Variants in DNAAF6 observed in about 807,000 individuals in gnomAD.
The protein encoded by DNAAF6 is PIH1 domain containing 3.
A neutral mutation model predicts 13.7 loss-of-function variants in DNAAF6; 3 were observed. That is an observed-to-expected ratio of 0.22 (90% confidence interval 0.10 to 0.56). DNAAF6 has a LOEUF of 0.56. Ranked by LOEUF, DNAAF6 falls within the 20% of genes least tolerant of loss-of-function variation. The pLI is 0.92. For missense variants in DNAAF6, 130 were observed against 151.0 expected (o/e 0.86, Z 0.73); for synonymous variants, 54 against 49.2 (o/e 1.10, Z -0.41).
chrX:107,213,750 C>T lies in DNAAF6; in HGVS notation c.153+722C>T, dbSNP rs772372294. On this transcript the variant is annotated intron_variant, in intron 2 of 6. Transcript: ENST00000372453. The stretch of plus-strand genomic sequence containing the variant: ...CTCCATTCTCCTATTTCTTAACTAT[C>T]GGTGAGCCTTGGCTATCAGACTGCC... 1.1e-4 allele frequency among the ~76,000 whole-genome samples: 12 copies of T among 111,579 alleles called. No homozygotes were observed. The East Asian group carries it at 2.8e-3, about 26-fold the overall frequency.
chrX:107,208,343 A>G (rs1280029701), intron 1 of DNAAF6, among the ~76,000 whole-genome samples: 1 of 107,712 alleles, frequency 9.3e-6, no homozygotes, highest in Non-Finnish European at 1.9e-5. Context: ...TGAGGTGGGA[A>G]GATTACTTGA....
intron 1 of DNAAF6, among the ~76,000 whole-genome samples, chrX:107,207,876 G>A (rs2147824022): frequency 9.0e-6 from 1 of 111,139 alleles, no homozygotes; most frequent in South Asian, 3.9e-4. Context: ...CCGTGATGGC[G>A]CCACTGCACT....
intron 5 of DNAAF6, among the ~76,000 whole-genome samples, chrX:107,228,263 G>A (rs1438790199): frequency 8.9e-6 from 1 of 112,163 alleles, no homozygotes; most frequent in Non-Finnish European, 1.9e-5. Flanking sequence ...TTGGAAGAGA[G>A]CAGCTTCAGT....
At chrX:107,210,066 A>G (rs1430408309) in intron 1 of DNAAF6, among the ~76,000 whole-genome samples, 4 of 111,140 alleles carry the variant, frequency 3.6e-5, no homozygotes, top group Non-Finnish European at 7.5e-5. Flanking sequence ...CTGGAGTGTC[A>G]GTTGCTTTAG....
chrX:107,239,046 T>C (rs933132281), intron 6 of DNAAF6, 39 bp downstream of exon 6: 1 of 1,147,651 alleles, frequency 8.7e-7, no homozygotes, highest in Admixed American at 3.0e-5. Flanking sequence ...TATTATAATA[T>C]TAAAGAGTCT....
intron 3 of DNAAF6, 106 bp downstream of exon 3, chrX:107,216,849 A>G: frequency 1.9e-6 from 1 of 512,953 alleles, no homozygotes; most frequent in East Asian, 4.1e-5. Flanking sequence ...AAGATGAACT[A>G]AATAACAATG....
In DNAAF6 at chrX:107,212,936, G is replaced by A; in HGVS notation, c.61G>A (p.Val21Ile). ...MKTENMESQN[V>I]DFESVSSVTA... ...GACAGAAAATATGGAATCTCAAAAT[G>A]TAGACTTTGAGAGTGTTTCTTCAGT... The change falls in exon 2 of 7, where the codon GTA (valine) becomes ATA (isoleucine). Residue 21 changes from valine to isoleucine, a missense_variant. Coordinates refer to ENST00000372453, the MANE Select transcript of DNAAF6 (RefSeq NM_173494.2). 2 of 1,205,977 alleles carry A rather than the reference G, an allele frequency of 1.7e-6. No homozygotes were observed. Among genetic ancestry groups the A allele is most frequent in the African/African-American group, 1.7e-5 (1 of 57,657 alleles).
In DNAAF6 at chrX:107,239,981, C is replaced by G. The variant is rs192145798; in HGVS notation, c.515+974C>G. The stretch of plus-strand genomic sequence containing the variant: ...AATGAACAATCTTCCAAGATATTTG[C>G]AAGCTTGTTAAAAGCACACACATGT... On this transcript the variant is annotated intron_variant, in intron 6 of 6. Coordinates refer to ENST00000372453, the MANE Select transcript of DNAAF6 (RefSeq NM_173494.2). Among the ~76,000 whole-genome samples the G allele has an allele frequency of 1.2e-4, 13 of 111,748 alleles. No homozygotes were observed. The East Asian group carries it at 3.4e-3, about 29-fold the overall frequency.
intron 2 of DNAAF6, among the ~76,000 whole-genome samples, chrX:107,213,241 A>G (rs1186741304): frequency 8.9e-6 from 1 of 112,259 alleles, no homozygotes; most frequent in Non-Finnish European, 1.9e-5. Context: ...AACACTGAAT[A>G]GGAAAATAGT....
At chrX:107,239,056 T>G in intron 6 of DNAAF6, 49 bp downstream of exon 6, 1 of 1,127,162 alleles carries the variant, frequency 8.9e-7, no homozygotes, top group Non-Finnish European at 1.2e-6. Flanking sequence ...TTAAAGAGTC[T>G]TCAGTCAATA....
intron 5 of DNAAF6, among the ~76,000 whole-genome samples, chrX:107,230,931 C>A (rs1293927674): frequency 9.0e-6 from 1 of 111,604 alleles, no homozygotes; most frequent in African/African-American, 3.3e-5. Context: ...TTCATTCCAC[C>A]TGGGTATTCC....
chrX:107,238,862 A>C (rs1023193377), intron 5 of DNAAF6, 60 bp from the exon 6 acceptor site: 1 of 1,190,064 alleles, frequency 8.4e-7, no homozygotes, highest in Admixed American at 2.3e-5. Context: ...ATATTCTTAT[A>C]TTCTTCAAAT....
chrX:107,240,416 C>T (rs1332329697), intron 6 of DNAAF6, among the ~76,000 whole-genome samples: 1 of 111,568 alleles, frequency 9.0e-6, no homozygotes, highest in African/African-American at 3.2e-5. Context: ...ATTGCATTAT[C>T]GGGAATGTGT....
At chrX:107,217,560 A>G (rs1928023000) in intron 3 of DNAAF6, among the ~76,000 whole-genome samples, 1 of 112,259 alleles carries the variant, frequency 8.9e-6, no homozygotes, top group East Asian at 2.8e-4. Flanking sequence ...TATAAAAAAA[A>G]GTCCAATAAA....
chrX:107,229,285 G>A (rs1382111112), intron 5 of DNAAF6, among the ~76,000 whole-genome samples: 6 of 106,714 alleles, frequency 5.6e-5, no homozygotes, highest in African/African-American at 1.4e-4. Context: ...CAACAGGCAC[G>A]CGCCACTACG....
chrX:107,233,492 T>TC (rs751559930), intron 5 of DNAAF6, among the ~76,000 whole-genome samples: 6 of 111,466 alleles, frequency 5.4e-5, no homozygotes, highest in African/African-American at 1.6e-4. Flanking sequence ...TCTCTTCATC[T>TC]CCCACCCCAC....
At chrX:107,221,014 C>T (rs1477176938) in intron 4 of DNAAF6, among the ~76,000 whole-genome samples, 5 of 107,251 alleles carry the variant, frequency 4.7e-5, no homozygotes, top group Non-Finnish European at 9.6e-5. Flanking sequence ...CTCTGTCGCT[C>T]AGGCTGGAGT....
At chrX:107,221,312 G>A (rs771476102) in intron 4 of DNAAF6, among the ~76,000 whole-genome samples, 49 of 103,832 alleles carry the variant, frequency 4.7e-4, no homozygotes, top group Admixed American at 2.1e-3. Flanking sequence ...CCGCCCCCCC[G>A]GCCCCGCCCA....
chrX:107,237,464 G>C (rs1928539174), intron 5 of DNAAF6, among the ~76,000 whole-genome samples: 1 of 112,387 alleles, frequency 8.9e-6, no homozygotes, highest in South Asian at 3.7e-4. Flanking sequence ...AAAGCATGTA[G>C]AGAGTAAGAG....
Sources: gnomAD v4.1 joint callset for allele counts (sites outside exome capture counted in the v4.1 genomes callset) on GRCh38, gnomAD v4.1.1 for gene constraint, MANE v1.5 for transcripts, NCBI Gene and HGNC (gene_info 2026-07-23, HGNC 2026-07-21) for gene names.